The following KPNA4 variants were observed in gnomAD, a reference collection of about 807,000 sequenced individuals.
KPNA4 encodes the protein importin subunit alpha-3.
In KPNA4, 13 loss-of-function variants were observed where a neutral mutation model predicts 71.3. The ratio of observed to expected loss-of-function variants is 0.18; its 90% CI spans 0.12 to 0.29. The LOEUF (loss-of-function observed/expected upper bound fraction) is 0.29, where lower values mean the gene tolerates loss of function less well. Among genes scored for constraint, KPNA4 ranks in the 10% least tolerant of loss-of-function variants. The pLI is 1.00. For missense variants in KPNA4, 334 were observed against 603.2 expected (o/e 0.55, Z 4.67); for synonymous variants, 189 against 195.2 (o/e 0.97, Z 0.26).
chr3:160,532,394 C>T lies in KPNA4; in HGVS notation c.288-837G>A, dbSNP rs374416725. Among the ~76,000 whole-genome samples, 6 of 152,310 alleles carry T rather than the reference C, an allele frequency of 3.9e-5. No individual in the cohort carries two copies. In the East Asian group the frequency reaches 9.6e-4, roughly 24 times the overall value. ...GTCCCTAATTCTTCCTTCTACTTTACACACCAAATTTAAGGCCATAAAAGT... is the reference window on the plus strand; with the variant it reads ...GTCCCTAATTCTTCCTTCTACTTTATACACCAAATTTAAGGCCATAAAAGT... On this transcript the variant is annotated intron_variant, in intron 5 of 16. Coordinates refer to ENST00000334256, the MANE Select transcript of KPNA4 (RefSeq NM_002268.5).
At chr3:160,550,552 G>C (rs1429959974) in intron 1 of KPNA4, among the ~76,000 whole-genome samples, 1 of 152,194 alleles carries the variant, frequency 6.6e-6, no homozygotes, top group East Asian at 1.9e-4. Flanking sequence ...ATATGCATGA[G>C]CCAGCACACA....
rs958181549 is a variant in KPNA4, at chr3:160,510,421, G to A, written c.1138-550C>T. Among the ~76,000 whole-genome samples the A allele has an allele frequency of 1.3e-4, 20 of 151,950 alleles. 1 individual carries two copies. The East Asian group carries it at 3.5e-3, about 26-fold the overall frequency. On this transcript the variant is annotated intron_variant, in intron 13 of 16. Transcript: ENST00000334256. ...AGAGTAATAATATCTTTCTATATAT[G>A]GTTATCACAGCACCATAATAGCCAA...
chr3:160,548,359 C>T (rs931944840), intron 1 of KPNA4, among the ~76,000 whole-genome samples: 25 of 152,118 alleles, frequency 1.6e-4, no homozygotes, highest in African/African-American at 1.9e-4. Flanking sequence ...AAAGTGAGTT[C>T]GGCAGCATTA....
At chr3:160,560,535 T>C (rs966376372) in intron 1 of KPNA4, among the ~76,000 whole-genome samples, 5 of 152,066 alleles carry the variant, frequency 3.3e-5, no homozygotes, top group African/African-American at 1.2e-4. Context: ...TTTAAAAATA[T>C]TTTAAGGACC....
In KPNA4 at chr3:160,528,004, G is replaced by A. The variant is rs1275260385; in HGVS notation, c.505C>T (p.Pro169Ser). The A allele has an allele frequency of 6.2e-7, 1 of 1,612,524 alleles. No individual in the cohort carries two copies. The highest frequency in any genetic ancestry group is 1.1e-5 in the South Asian group (1 of 90,984). Reference protein sequence around the residue: ...VPLFLRLLHSPHQNVCEQAVW... With the variant: ...VPLFLRLLHSSHQNVCEQAVW... ...GCTTGCTCACAGACATTCTGATGGGGTGAATGGAGAAGCCTCAGGAAAAGT... is the reference window on the plus strand; with the variant it reads ...GCTTGCTCACAGACATTCTGATGGGATGAATGGAGAAGCCTCAGGAAAAGT... Residue 169 changes from proline to serine, a missense_variant, in exon 8 of 17, where the codon CCC becomes TCC. Physicochemically the swap from Pro to Ser is moderately conservative, Grantham distance 74. Coordinates refer to ENST00000334256, the MANE Select transcript of KPNA4 (RefSeq NM_002268.5).
At chr3:160,517,036 TCA>T (rs200436787) in intron 11 of KPNA4, among the ~76,000 whole-genome samples, 1,846 of 152,132 alleles carry the variant, frequency 0.012, 23 homozygotes, top group Middle Eastern at 0.02. Context: ...CTTAGTATAT[TCA>T]GAGTTGTGTA....
chr3:160,539,767 A>G (rs1721759458), intron 1 of KPNA4, among the ~76,000 whole-genome samples: 2 of 152,186 alleles, frequency 1.3e-5, no homozygotes, highest in Admixed American at 1.3e-4. Context: ...GGGACTGGGT[A>G]TTTCCAGTCT....
At chr3:160,503,881 A>T (rs922473194) in intron 16 of KPNA4, among the ~76,000 whole-genome samples, 1 of 152,168 alleles carries the variant, frequency 6.6e-6, no homozygotes, top group Admixed American at 6.5e-5. Context: ...CCAGGAGTTC[A>T]AGCTCAGCCA....
At chr3:160,515,666 G>A (rs1325019392) in intron 11 of KPNA4, 86 bp from the exon 12 acceptor site, 1 of 1,438,320 alleles carries the variant, frequency 7.0e-7, no homozygotes. Flanking sequence ...CCAGGGTAGA[G>A]TGCAGTGGTG....
At chr3:160,509,938 G>C (rs1210450424) in intron 13 of KPNA4, 67 bp from the exon 14 acceptor site, 1 of 993,458 alleles carries the variant, frequency 1.0e-6, no homozygotes. Flanking sequence ...AATGTTTGCT[G>C]TGATGATTTT....
At chr3:160,525,865 A>G (rs1577052976) in intron 9 of KPNA4, 21 bp from the exon 10 acceptor site, 1 of 1,539,218 alleles carries the variant, frequency 6.5e-7, no homozygotes, top group Non-Finnish European at 8.7e-7. Context: ...AAATATGTAG[A>G]TTTAAAAACA....
intron 7 of KPNA4, among the ~76,000 whole-genome samples, chr3:160,529,657 CTTTG>C (rs1225386604): frequency 6.6e-6 from 1 of 151,958 alleles, no homozygotes; most frequent in Non-Finnish European, 1.5e-5. Flanking sequence ...TTATTAATTT[CTTTG>C]TTTGGTAGAA....
intron 1 of KPNA4, among the ~76,000 whole-genome samples, chr3:160,545,940 A>T (rs1480340233): frequency 1.3e-5 from 2 of 152,178 alleles, no homozygotes; most frequent in Non-Finnish European, 2.9e-5. Flanking sequence ...ATTTACTGAG[A>T]TGGGGCAGAC....
chr3:160,536,861 A>T, intron 1 of KPNA4, 21 bp from the exon 2 acceptor site: 1 of 1,422,408 alleles, frequency 7.0e-7, no homozygotes, highest in Non-Finnish European at 9.9e-7. Context: ...ATTAAAGGAA[A>T]ATATTTTTAA....
chr3:160,561,300 A>T (rs1041762115), intron 1 of KPNA4, among the ~76,000 whole-genome samples: 1 of 152,082 alleles, frequency 6.6e-6, no homozygotes, highest in Non-Finnish European at 1.5e-5. Flanking sequence ...TAAAAAACAT[A>T]AATTATATGA....
chr3:160,553,508 T>C (rs1722080000), intron 1 of KPNA4, among the ~76,000 whole-genome samples: 1 of 152,216 alleles, frequency 6.6e-6, no homozygotes, highest in African/African-American at 2.4e-5. Context: ...TGCAGATCCA[T>C]GAACACCTAC....
intron 10 of KPNA4, 85 bp from the exon 11 acceptor site, chr3:160,521,995 T>C (rs34680652): frequency 4.5e-6 from 5 of 1,101,202 alleles, no homozygotes; most frequent in African/African-American, 3.2e-5. Context: ...TCTAAAATTG[T>C]TCAACTACCT....
intron 7 of KPNA4, among the ~76,000 whole-genome samples, 195 bp downstream of exon 7, chr3:160,530,660 T>G (rs1218816522): frequency 6.6e-6 from 1 of 152,184 alleles, no homozygotes; most frequent in Non-Finnish European, 1.5e-5. Flanking sequence ...ATCAAGTGAA[T>G]TTTTGGAAAT....
chr3:160,551,985 C>A (rs1210411715), intron 1 of KPNA4, among the ~76,000 whole-genome samples: 3 of 147,274 alleles, frequency 2.0e-5, no homozygotes, highest in African/African-American at 7.4e-5. Flanking sequence ...AAGTAGAGGC[C>A]ACAGATGCTG....
Sources: allele counts gnomAD v4.1 joint callset (sites outside exome capture counted in the v4.1 genomes callset), GRCh38; gene constraint gnomAD v4.1.1; transcripts MANE v1.5; gene names NCBI Gene and HGNC (gene_info 2026-07-23, HGNC 2026-07-21).